Variants in TESK2 observed in about 807,000 individuals in gnomAD.
TESK2 encodes the protein dual specificity testis-specific protein kinase 2.
Under a neutral mutation model 57.1 loss-of-function variants are expected in TESK2, and 39 were observed. That is an observed-to-expected ratio of 0.68 (90% CI 0.53 to 0.89). TESK2 has a LOEUF of 0.89. TESK2 is among the 40% of genes least tolerant of loss of function. The pLI, the probability that TESK2 is intolerant of heterozygous loss-of-function variation, is 0.00. For missense variants in TESK2, 646 were observed against 732.1 expected, an observed-to-expected ratio of 0.88 and a Z score of 1.36; for synonymous variants, 249 against 267.9, an observed-to-expected ratio of 0.93 and a Z score of 0.69.
Position 45,345,373 on chromosome 1 carries a change from G to A in TESK2, c.1183C>T (p.Arg395Cys), listed in dbSNP as rs377415756. Residue 395 changes from arginine (R) to cysteine (C), a missense_variant, in exon 11 of 11, where the codon CGC becomes TGC. Physicochemically the swap from Arg to Cys is radical, Grantham distance 180 (BLOSUM62 -3). Transcript: ENST00000372086. ...CTAAAAGGGTTGACTTTGGGGGTGC[G>A]GGCAGCACCATCTCGTGGCCGGTAG... The part of the protein sequence containing the change: ...PYYRPRDGAA[R>C]TPKVNPFSAR... 22 of 1,614,134 alleles carry A rather than the reference G, an allele frequency of 1.4e-5. No homozygotes were observed. The African/African-American group carries it at 1.6e-4, about 12-fold the overall frequency.
intron 3 of TESK2, among the ~76,000 whole-genome samples, chr1:45,413,573 T>C (rs942408873): frequency 1.3e-5 from 2 of 152,200 alleles, no homozygotes; most frequent in African/African-American, 4.8e-5. Context: ...CTCATTCTTT[T>C]TCTTTTTCTT....
At chr1:45,420,038 C>T (rs941054469) in intron 3 of TESK2, among the ~76,000 whole-genome samples, 2 of 152,020 alleles carry the variant, frequency 1.3e-5, no homozygotes, top group African/African-American at 2.4e-5. Context: ...CAAAAAATAG[C>T]AATAAATGAC....
At chr1:45,360,818 G>A (rs1276847999) in intron 4 of TESK2, among the ~76,000 whole-genome samples, 1 of 152,022 alleles carries the variant, frequency 6.6e-6, no homozygotes, top group Admixed American at 6.6e-5. Flanking sequence ...CAACAAGGAA[G>A]ATTTCTTTCT....
chr1:45,433,839 T>A (rs2149291208), intron 2 of TESK2, among the ~76,000 whole-genome samples: 1 of 152,310 alleles, frequency 6.6e-6, no homozygotes, highest in East Asian at 1.9e-4. Context: ...GTTCTATTTT[T>A]TACTTTTTTG....
rs59089628 is a variant in TESK2, at chr1:45,348,045, G to A, written c.541-45C>T. On this transcript the variant is annotated intron_variant, in intron 5 of 10. Transcript: ENST00000372086. ...AGAGAAAATAATGTGGCTCAGAAGC[G>A]GGGATCAGCCATAGAGTTACCACCC... 2.1e-3 allele frequency: 2,732 copies of A among 1,332,436 alleles called. 28 individuals are homozygous for A. In the African/African-American group the frequency reaches 0.035, roughly 17 times the overall value. The allele number at this position is 1,332,436 out of a possible 1,614,324, so 82.5% of individuals were successfully genotyped here. A position where few individuals can be genotyped will look rare whatever the true frequency, so the allele number is the denominator to read the frequency against.
intron 4 of TESK2, among the ~76,000 whole-genome samples, chr1:45,365,985 T>G (rs959937453): frequency 2.6e-5 from 4 of 152,054 alleles, no homozygotes. Context: ...AATTTTGTAT[T>G]TTTAGTAGAG....
At chr1:45,353,423 G>A (rs1472891025) in intron 5 of TESK2, among the ~76,000 whole-genome samples, 1 of 152,128 alleles carries the variant, frequency 6.6e-6, no homozygotes, top group African/African-American at 2.4e-5. Flanking sequence ...AAATGACTCT[G>A]CCACACACCA....
At chr1:45,346,051 G>C (rs1647139847) in intron 9 of TESK2, 57 bp from the exon 10 acceptor site, 6 of 1,310,284 alleles carry the variant, frequency 4.6e-6, no homozygotes, top group Non-Finnish European at 6.6e-6. Flanking sequence ...CCCAAAGATG[G>C]CATTTGAGTC....
chr1:45,433,991 TG>T (rs1262463316), intron 2 of TESK2, among the ~76,000 whole-genome samples: 1 of 152,010 alleles, frequency 6.6e-6, no homozygotes, highest in Non-Finnish European at 1.5e-5. Flanking sequence ...GGTTTGTTGT[TG>T]TTGTTATTGT....
At chr1:45,425,831 C>T (rs1342071712) in intron 2 of TESK2, among the ~76,000 whole-genome samples, 8 of 151,898 alleles carry the variant, frequency 5.3e-5, no homozygotes, top group Non-Finnish European at 7.4e-5. Context: ...CCAGAATCGC[C>T]AAAGCCATCC....
chr1:45,368,374 T>G (rs568920268), intron 4 of TESK2, among the ~76,000 whole-genome samples: 1 of 151,784 alleles, frequency 6.6e-6, no homozygotes, highest in Non-Finnish European at 1.5e-5. Context: ...TTTTTTTGGT[T>G]TTCTTTTGTT....
chr1:45,457,634 GA>G lies in TESK2; in HGVS notation c.151del (p.Ser51ProfsTer3), dbSNP rs753163820. 1 of 1,614,028 alleles carries G rather than the reference GA, an allele frequency of 6.2e-7. No homozygotes were observed. Among genetic ancestry groups the G allele is most frequent in the African/African-American group, 1.3e-5 (1 of 74,986 alleles). ...SSYRALISAF[S>X]RLTRLDDFTC... ...GAAATCATCCAAACGCGTCAGTCTG[GA>G]AAAGGCACTTATAAGAGCTCGATAC... On this transcript the variant is annotated frameshift_variant, in exon 2 of 11. Coordinates refer to ENST00000372086, the MANE Select transcript of TESK2 (RefSeq NM_007170.3). LOFTEE classifies it high-confidence loss of function.
chr1:45,354,415 C>T (rs1307626810), intron 5 of TESK2, among the ~76,000 whole-genome samples: 1 of 152,068 alleles, frequency 6.6e-6, no homozygotes, highest in Non-Finnish European at 1.5e-5. Context: ...CACCTGAGGT[C>T]AGGAGTTTGA....
intron 1 of TESK2, among the ~76,000 whole-genome samples, chr1:45,488,626 A>G (rs1162925178): frequency 6.6e-6 from 1 of 152,262 alleles, no homozygotes; most frequent in Non-Finnish European, 1.5e-5. Context: ...GGATACTGAC[A>G]TGTTAACCAC....
intron 5 of TESK2, among the ~76,000 whole-genome samples, chr1:45,352,114 C>T (rs1171992140): frequency 1.3e-5 from 2 of 152,160 alleles, no homozygotes; most frequent in Admixed American, 6.5e-5. Flanking sequence ...TGAACACAGA[C>T]GGTATCTCAA....
chr1:45,437,538 C>T (rs1651282591), intron 2 of TESK2, among the ~76,000 whole-genome samples: 2 of 152,108 alleles, frequency 1.3e-5, no homozygotes, highest in Admixed American at 1.3e-4. Flanking sequence ...GATGCCTTTT[C>T]TTTCTTTCTC....
chr1:45,385,710 G>GTATATATATA lies in TESK2; in HGVS notation c.393+192_393+201dup, dbSNP rs754585734. Among the ~76,000 whole-genome samples, 553 of 135,254 alleles carry GTATATATATA rather than the reference G, an allele frequency of 4.1e-3. 7 individuals are homozygous for GTATATATATA. Among genetic ancestry groups the GTATATATATA allele is most frequent in the African/African-American group, 0.013 (446 of 33,808 alleles). The allele number at this position is 135,254 out of a possible 152,430, so 88.7% of individuals were successfully genotyped here. On this transcript the variant is annotated intron_variant, in intron 4 of 10. Transcript: ENST00000372086. ...ACTTAAAGTGTATGTGTGTGTGTGT[G>GTATATATATA]TATATATATATATATATATATATAT...
chr1:45,402,893 C>T (rs955237544), intron 3 of TESK2, among the ~76,000 whole-genome samples: 8 of 151,928 alleles, frequency 5.3e-5, no homozygotes, highest in African/African-American at 1.7e-4. Flanking sequence ...ACCTTTAACA[C>T]GTAGCACAAA....
chr1:45,483,519 A>T (rs1431483371), intron 1 of TESK2, among the ~76,000 whole-genome samples: 2 of 151,218 alleles, frequency 1.3e-5, no homozygotes, highest in Non-Finnish European at 2.9e-5. Flanking sequence ...AACTGCTTGA[A>T]CCCGGCAGGC....
Sources: gnomAD v4.1 joint callset for allele counts (sites outside exome capture counted in the v4.1 genomes callset) on GRCh38, gnomAD v4.1.1 for gene constraint, MANE v1.5 for transcripts, NCBI Gene and HGNC (gene_info 2026-07-23, HGNC 2026-07-21) for gene names.